COL11A2: variants seen among roughly 807,000 people sequenced by gnomAD.
COL11A2 encodes the protein collagen type XI alpha 2 chain.
In COL11A2, 116 loss-of-function variants were observed where a neutral mutation model predicts 273.4. The observed-to-expected ratio is 0.42, with a 90% CI of 0.36 to 0.49. The LOEUF (loss-of-function observed/expected upper bound fraction) is 0.49, where lower values mean the gene tolerates loss of function less well. COL11A2 is among the 20% of genes least tolerant of loss of function. COL11A2 has a pLI of 0.00. For missense variants in COL11A2, 1,866 were observed against 2,309.0 expected, an observed-to-expected ratio of 0.81 and a Z score of 3.93; for synonymous variants, 782 against 864.2, an observed-to-expected ratio of 0.90 and a Z score of 1.67.
chr6:33,166,322 G>A lies in COL11A2; in HGVS notation c.4393-116C>T, dbSNP rs1303647712. The A allele has an allele frequency of 7.3e-7, 1 of 1,378,908 alleles. No homozygotes were observed. Among genetic ancestry groups the A allele is most frequent in the Non-Finnish European group, 9.9e-7 (1 of 1,008,258 alleles). The allele number at this position is 1,378,908 out of a possible 1,614,324, so 85.4% of individuals were successfully genotyped here. On this transcript the variant is annotated intron_variant, in intron 60 of 65. Coordinates refer to ENST00000341947, the MANE Select transcript of COL11A2 (RefSeq NM_080680.3). This position sits in a 1 kb window ranked among gnomAD's most constrained non-coding sequence, Gnocchi z 4.8. ...GCCTCGGGTTACTACAGGAGGGGCA[G>A]TCTTGTGGGAATACTAGGACATTCA...
chr6:33,172,211 G>T (rs1007632452), intron 40 of COL11A2, 78 bp downstream of exon 40: 2 of 1,570,298 alleles, frequency 1.3e-6, no homozygotes, highest in African/African-American at 1.4e-5. Flanking sequence ...GACATGGAGG[G>T]GGTCAGGGAC....
chr6:33,171,114 C>T lies in COL11A2; in HGVS notation c.3366G>A (p.Ala1122=), dbSNP rs779227176. 7.0e-6 allele frequency: 11 copies of T among 1,579,498 alleles called. No individual in the cohort carries two copies. Among genetic ancestry groups the T allele is most frequent in the African/African-American group, 4.0e-5 (3 of 74,178 alleles). The change falls in exon 45 of 66, where the codon GCG becomes GCA. Residue 1122 remains alanine (A), a splice_region_variant and synonymous_variant. Transcript: ENST00000341947. The part of the protein sequence containing the change: ...PIGPVGQPGA[A]GADGEPGARG... ...CGGTGGGGGTGGAGGGGTCACTCAC[C>T]GCTGCTCCAGGCTGCCCCACAGGAC...
intron 1 of COL11A2, among the ~76,000 whole-genome samples, chr6:33,191,888 C>G (rs943724692): frequency 6.6e-6 from 1 of 152,218 alleles, no homozygotes; most frequent in African/African-American, 2.4e-5. Flanking sequence ...CCCAAGGACT[C>G]AAGACAAGCA....
At chr6:33,188,284 G>T in intron 4 of COL11A2, 78 bp downstream of exon 4, 1 of 1,531,816 alleles carries the variant, frequency 6.5e-7, no homozygotes, top group Non-Finnish European at 9.0e-7. Context: ...ATAGGAAGAT[G>T]ACATGCTGGG....
At position 33,165,415 on chromosome 6, in the gene COL11A2, T is replaced by C; in HGVS notation, c.4750+134A>G. 1.5e-6 allele frequency: 2 copies of C among 1,344,312 alleles called. No individual in the cohort carries two copies. Among genetic ancestry groups the C allele is most frequent in the Non-Finnish European group, 2.1e-6 (2 of 954,296 alleles). The allele number at this position is 1,344,312 out of a possible 1,614,324, so 83.3% of individuals were successfully genotyped here. A position where few individuals can be genotyped will look rare whatever the true frequency, so the allele number is the denominator to read the frequency against. Reference sequence around the variant, plus strand: ...GGATACTTCTGACCTGGTTAGTAAATAGCTGCAGTTCCCAGCCCCTCAGCC... The same window carrying C: ...GGATACTTCTGACCTGGTTAGTAAACAGCTGCAGTTCCCAGCCCCTCAGCC... On this transcript the variant is annotated intron_variant, in intron 63 of 65. Coordinates refer to ENST00000341947, the MANE Select transcript of COL11A2 (RefSeq NM_080680.3). This position sits in a 1 kb window ranked among gnomAD's most constrained non-coding sequence, Gnocchi z 7.7.
At chr6:33,193,136 C>A (rs1773366033), upstream of COL11A2, among the ~76,000 whole-genome samples, 1 of 152,116 alleles carries the variant, frequency 6.6e-6, no homozygotes, top group Non-Finnish European at 1.5e-5. Flanking sequence ...GCAGTCGACT[C>A]TGGTTGGAAG....
At chr6:33,174,434 C>T in intron 31 of COL11A2, 93 bp downstream of exon 31, 1 of 1,522,714 alleles carries the variant, frequency 6.6e-7, no homozygotes, top group Non-Finnish European at 9.0e-7. Context: ...GGGTCCCCCA[C>T]TGCCCTGCAT....
rs543423052 is a variant in COL11A2, at chr6:33,167,676, C to T, written c.4014+123G>A. 2.1e-5 allele frequency: 30 copies of T among 1,459,392 alleles called. No homozygotes were observed. The highest frequency in any genetic ancestry group is 1.8e-4 in the Middle Eastern group (1 of 5,498). The allele number at this position is 1,459,392 out of a possible 1,614,324, so 90.4% of individuals were successfully genotyped here. On this transcript the variant is annotated intron_variant, in intron 55 of 65. Transcript: ENST00000341947. The surrounding 1 kb of genome is among the most constrained non-coding windows in gnomAD (Gnocchi z 6.1). The stretch of plus-strand genomic sequence containing the variant: ...CTAGCGCAGGAACAAGTACAGGGAA[C>T]GCCTGTCCCCATAAGGGCCCAACAT...
Position 33,167,905 on chromosome 6 carries a change from A to C in COL11A2, c.3961-53T>G. The C allele has an allele frequency of 1.3e-6, 2 of 1,596,322 alleles. No individual in the cohort carries two copies. The highest frequency in any genetic ancestry group is 1.7e-6 in the Non-Finnish European group (2 of 1,167,244). On this transcript the variant is annotated intron_variant, in intron 54 of 65. Transcript: ENST00000341947. This position sits in a 1 kb window ranked among gnomAD's most constrained non-coding sequence, Gnocchi z 6.1. ...CATGAGGCCGTGGGCAGCCAGGCTC[A>C]ACTCTTCCCCCTTCCTGTCCTAGAC...
rs753728330 is a variant in COL11A2 at position 33,167,359 on chromosome 6, C to T, written c.4123-42G>A. 17 of 1,612,640 alleles carry T rather than the reference C, an allele frequency of 1.1e-5. No individual in the cohort carries two copies. The African/African-American group carries it at 1.9e-4, about 18-fold the overall frequency. ...GCCACAGGGGTCAGGAGGAGCATCC[C>T]CACACTGCACCCCTCCCATGGCCCC... On this transcript the variant is annotated intron_variant, in intron 56 of 65. Coordinates refer to ENST00000341947, the MANE Select transcript of COL11A2 (RefSeq NM_080680.3). The surrounding 1 kb of genome is among the most constrained non-coding windows in gnomAD (Gnocchi z 6.1).
At chr6:33,187,434 TCTTTGTTCTC>T (rs1395396203) in intron 4 of COL11A2, among the ~76,000 whole-genome samples, 1 of 152,194 alleles carries the variant, frequency 6.6e-6, no homozygotes, top group Non-Finnish European at 1.5e-5. Flanking sequence ...TATATTCTCT[TCTTTGTTCTC>T]CTTGTCCAGC....
intron 54 of COL11A2, 79 bp downstream of exon 54, chr6:33,168,440 T>A: frequency 1.4e-6 from 2 of 1,481,100 alleles, no homozygotes; most frequent in Non-Finnish European, 1.9e-6. Flanking sequence ...TCCCCACCCA[T>A]CCCACCTGCC....
At position 33,173,969 on chromosome 6, in the gene COL11A2, C is replaced by G; in HGVS notation, c.2529+42G>C. 3 of 1,614,072 alleles carry G rather than the reference C, an allele frequency of 1.9e-6. No homozygotes were observed. Among genetic ancestry groups the G allele is most frequent in the Middle Eastern group, 1.6e-4 (1 of 6,062 alleles). On this transcript the variant is annotated intron_variant, in intron 33 of 65. Transcript: ENST00000341947. The surrounding 1 kb of genome is among the most constrained non-coding windows in gnomAD (Gnocchi z 6.3). ...GTTGTCAGAGAAACCCAAATGCCCC[C>G]CTCTGGACCTTGAGCCACCTGTTTC...
rs1362182278 is a variant in COL11A2 at position 33,169,404 on chromosome 6, A to G, written c.3777T>C (p.Asp1259=). Residue 1259 remains aspartate (D), a synonymous_variant, in exon 51 of 66, where the codon GAT becomes GAC. Coordinates refer to ENST00000341947, the MANE Select transcript of COL11A2 (RefSeq NM_080680.3). This position sits in a 1 kb window ranked among gnomAD's most constrained non-coding sequence, Gnocchi z 5.5. ...TCACAGGGTTCCCTTTGGGGCCATC[A>G]TCGCCTGTGGGGCCTTTAGGCCCTG... ...GPPGPKGPTG[D]DGPKGNPGPV... 1.2e-6 allele frequency: 2 copies of G among 1,612,772 alleles called. No individual in the cohort carries two copies. The highest frequency in any genetic ancestry group is 1.1e-5 in the South Asian group (1 of 91,074).
intron 8 of COL11A2, among the ~76,000 whole-genome samples, chr6:33,181,523 G>A (rs1047254113): frequency 1.3e-5 from 2 of 152,070 alleles, no homozygotes; most frequent in Non-Finnish European, 2.9e-5. Flanking sequence ...CACCCAGGCT[G>A]AAGTATAGTG....
At chr6:33,174,861 A>T (rs1770680998) in intron 30 of COL11A2, among the ~76,000 whole-genome samples, 1 of 151,928 alleles carries the variant, frequency 6.6e-6, no homozygotes, top group Non-Finnish European at 1.5e-5. Flanking sequence ...GCTGCTTCCC[A>T]CATGTCAACC....
rs1773234036 is a variant in COL11A2 at position 33,192,330 on chromosome 6, T to C, written c.-90A>G. 2 of 1,288,206 alleles carry C rather than the reference T, an allele frequency of 1.6e-6. No homozygotes were observed. Among genetic ancestry groups the C allele is most frequent in the Non-Finnish European group, 2.2e-6 (2 of 915,488 alleles). The allele number at this position is 1,288,206 out of a possible 1,614,324, so 79.8% of individuals were successfully genotyped here. A position where few individuals can be genotyped will look rare whatever the true frequency, so the allele number is the denominator to read the frequency against. ...GGCTGACAGAAGACAGGGAGCAGACTATGAGCCTCAGACGCCGGGGTCCCA... is the reference window on the plus strand; with the variant it reads ...GGCTGACAGAAGACAGGGAGCAGACCATGAGCCTCAGACGCCGGGGTCCCA... On this transcript the variant is annotated 5_prime_UTR_variant, in exon 1 of 66. The change creates a new upstream start codon in the 5' untranslated region. Transcript: ENST00000341947.
Position 33,169,007 on chromosome 6 carries a change from C to T in COL11A2, c.3800G>A (p.Gly1267Asp). 2.5e-6 allele frequency: 4 copies of T among 1,607,434 alleles called. No homozygotes were observed. Among genetic ancestry groups the T allele is most frequent in the Non-Finnish European group, 3.4e-6 (4 of 1,177,214 alleles). The change falls in exon 52 of 66, where the codon GGT becomes GAT. Residue 1267 changes from glycine to aspartate, a missense_variant and splice_region_variant. By Grantham distance (94) the Gly-to-Asp change is moderately conservative (BLOSUM62 -1). Coordinates refer to ENST00000341947, the MANE Select transcript of COL11A2 (RefSeq NM_080680.3). The surrounding 1 kb of genome is among the most constrained non-coding windows in gnomAD (Gnocchi z 5.5). Reference sequence around the variant, plus strand: ...AGGGTCACCAGGAAAACCAACAGGACCCTGATCCAGATGGAGAATAAGAGT... The same window carrying T: ...AGGGTCACCAGGAAAACCAACAGGATCCTGATCCAGATGGAGAATAAGAGT... ...TGDDGPKGNPGPVGFPGDPGP... is the reference protein window; with the variant it reads ...TGDDGPKGNPDPVGFPGDPGP...
chr6:33,193,084 C>T (rs191062494), upstream of COL11A2, among the ~76,000 whole-genome samples: 1 of 151,972 alleles, frequency 6.6e-6, no homozygotes, highest in Non-Finnish European at 1.5e-5. Flanking sequence ...GTTAGGGAGT[C>T]CCAGAGCCGA....
Sources: gnomAD v4.1 joint callset for allele counts (sites outside exome capture counted in the v4.1 genomes callset) on GRCh38, gnomAD v4.1.1 for gene constraint, Gnocchi (gnomAD v3.1) non-coding constraint, MANE v1.5 for transcripts, NCBI Gene and HGNC (gene_info 2026-07-23, HGNC 2026-07-21) for gene names.